The following STRADA variants were observed in gnomAD, a reference collection of about 807,000 sequenced individuals.
The protein encoded by STRADA is STE20 related adaptor alpha, also known as STE20-related kinase adapter protein alpha.
In STRADA, 26 loss-of-function variants were observed where a neutral mutation model predicts 55.0. The ratio of observed to expected loss-of-function variants is 0.47; its 90% confidence interval spans 0.35 to 0.66. STRADA has a LOEUF of 0.66. Among genes scored for constraint, STRADA ranks in the 30% least tolerant of loss-of-function variants. The probability of loss-of-function intolerance (pLI) is 0.01; values close to 1 mark genes in which losing one functional copy is unlikely to be tolerated. For missense variants in STRADA, 443 were observed against 549.7 expected (o/e 0.81, Z 1.94); for synonymous variants, 197 against 210.9 (o/e 0.93, Z 0.57).
intron 1 of STRADA, chr17:63,737,496 A>G (rs1003978088): frequency 7.0e-6 from 1 of 143,034 alleles, no homozygotes. Context: ...AATGCCTTCA[A>G]ATTTGATAAT....
At chr17:63,711,499 C>T (rs4480868) in intron 6 of STRADA, among the ~76,000 whole-genome samples, 57,849 of 151,938 alleles carry the variant, frequency 0.38, 11,392 homozygotes, top group South Asian at 0.58. Flanking sequence ...CACAGGTGGA[C>T]GTCAACATAC....
Position 63,737,984 on chromosome 17 carries a change from C to CGAAAA in STRADA, c.-45+3752_-45+3756dup, listed in dbSNP as rs377067793. ...CTTGGGCAACACAGAGGGACCCCGTCGAAAAGAAAAGAAAAGAGAAGAGAA... is the reference window on the plus strand; with the variant it reads ...CTTGGGCAACACAGAGGGACCCCGTCGAAAAGAAAAGAAAAGAAAAGAGAAGAGAA... On this transcript the variant is annotated intron_variant, in intron 1 of 12. Coordinates refer to ENST00000336174, the MANE Select transcript of STRADA (RefSeq NM_001003787.4). Among the ~76,000 whole-genome samples the CGAAAA allele has an allele frequency of 5.1e-4, 74 of 146,516 alleles. 1 individual carries two copies. In the East Asian group the frequency reaches 9.5e-3, roughly 19 times the overall value.
intron 1 of STRADA, among the ~76,000 whole-genome samples, chr17:63,732,766 G>T (rs919704435): frequency 6.6e-6 from 1 of 152,158 alleles, no homozygotes; most frequent in African/African-American, 2.4e-5. Flanking sequence ...CTGCACTCCA[G>T]CCTAGGTAAC....
intron 4 of STRADA, among the ~76,000 whole-genome samples, chr17:63,715,000 A>C (rs2036760065): frequency 6.6e-6 from 1 of 152,198 alleles, no homozygotes; most frequent in Non-Finnish European, 1.5e-5. Flanking sequence ...GAAATGGAGA[A>C]ACCTGGGCCA....
At position 63,703,355 on chromosome 17, in the gene STRADA, G is replaced by C; in HGVS notation, c.*244C>G. 2.2e-6 allele frequency: 1 copy of C among 452,106 alleles called. No homozygotes were observed. The highest frequency in any genetic ancestry group is 2.8e-5 in the South Asian group (1 of 35,738). 28.0% of individuals were successfully genotyped at this position (452,106 alleles called of 1,614,324 possible). A position where few individuals can be genotyped will look rare whatever the true frequency, so the allele number is the denominator to read the frequency against. On this transcript the variant is annotated 3_prime_UTR_variant, in exon 13 of 13. Transcript: ENST00000336174. ...GAGGTCACCTGAGCTCACAGGACTG[G>C]GAATGTCGGCTTTGGACCCTCCTGA...
Position 63,716,400 on chromosome 17 carries a change from G to C in STRADA, c.124-2292C>G, listed in dbSNP as rs575032863. 2.6e-5 allele frequency among the ~76,000 whole-genome samples: 4 copies of C among 152,156 alleles called. No individual in the cohort carries two copies. In the South Asian group the frequency reaches 6.2e-4, roughly 24 times the overall value. On this transcript the variant is annotated intron_variant, in intron 4 of 12. Coordinates refer to ENST00000336174, the MANE Select transcript of STRADA (RefSeq NM_001003787.4). ...CATGAGCCACTGTGCCCGGCCACAT[G>C]TGTTCTTATTAATTTATCTTTTCCC...
chr17:63,704,449 G>A lies in STRADA; in HGVS notation c.992C>T (p.Thr331Ile), dbSNP rs539671529. 121 of 1,612,880 alleles carry A rather than the reference G, an allele frequency of 7.5e-5. No individual in the cohort carries two copies. Among genetic ancestry groups the A allele is most frequent in the Non-Finnish European group, 9.3e-5 (110 of 1,179,898 alleles). ...CGAGTCACCGTTGGAGGGCCGGGGG[G>A]TGCTGGTGGTCAGGCTGTCACTCAG... ...SGLSDSLTTS[T>I]PRPSNGDSPS... The change falls in exon 11 of 13, where the codon ACC becomes ATC. Residue 331 changes from threonine to isoleucine, a missense_variant. By Grantham distance (89) the Thr-to-Ile change is moderately conservative. Transcript: ENST00000336174.
In STRADA at chr17:63,710,475, C is replaced by G; in HGVS notation, c.581+16G>C. ...CTACCCACTGTAATCATGGGAAAGG[C>G]CGCCTAAGAACGCACCTGTGTACAT... On this transcript the variant is annotated intron_variant, in intron 8 of 12. Coordinates refer to ENST00000336174, the MANE Select transcript of STRADA (RefSeq NM_001003787.4). 1 of 1,612,728 alleles carries G rather than the reference C, an allele frequency of 6.2e-7. No individual in the cohort carries two copies. Among genetic ancestry groups the G allele is most frequent in the Non-Finnish European group, 8.5e-7 (1 of 1,179,766 alleles).
intron 3 of STRADA, 88 bp from the exon 4 acceptor site, chr17:63,723,414 A>G (rs2037442230): frequency 6.6e-7 from 1 of 1,506,888 alleles, no homozygotes. Flanking sequence ...ACTTAGGACT[A>G]CATTTATTAA....
chr17:63,739,967 C>G (rs539450630), intron 1 of STRADA, among the ~76,000 whole-genome samples: 1 of 147,324 alleles, frequency 6.8e-6, no homozygotes, highest in South Asian at 2.1e-4. Context: ...CCCCGCCAGG[C>G]AGGTACCTGT....
At position 63,710,764 on chromosome 17, in the gene STRADA, T is replaced by C. The variant is rs2036443848; in HGVS notation, c.421A>G (p.Asn141Asp). Reference sequence around the variant, plus strand: ...AATGATGTGACAACCCACAGCTCATTGTCTGCAATAAAAGTGGCTCGATAT... The same window carrying C: ...AATGATGTGACAACCCACAGCTCATCGTCTGCAATAAAAGTGGCTCGATAT... ...VPYRATFIAD[N>D]ELWVVTSFMA... Residue 141 changes from asparagine (N) to aspartate (D), a missense_variant, in exon 7 of 13, where the codon AAT becomes GAT. Coordinates refer to ENST00000336174, the MANE Select transcript of STRADA (RefSeq NM_001003787.4). 1.9e-6 allele frequency: 3 copies of C among 1,614,040 alleles called. No individual in the cohort carries two copies. The highest frequency in any genetic ancestry group is 1.3e-5 in the African/African-American group (1 of 74,904).
At chr17:63,722,634 G>A (rs1158294675) in intron 4 of STRADA, among the ~76,000 whole-genome samples, 1 of 152,168 alleles carries the variant, frequency 6.6e-6, no homozygotes, top group Non-Finnish European at 1.5e-5. Context: ...TCTGCAATCT[G>A]AACAGAGTCA....
At chr17:63,708,649 C>G (rs891779456) in intron 8 of STRADA, among the ~76,000 whole-genome samples, 4 of 152,178 alleles carry the variant, frequency 2.6e-5, no homozygotes. Flanking sequence ...ATTATCTTGC[C>G]TCAGCCTCCT....
chr17:63,731,279 T>C lies in STRADA; in HGVS notation c.-44-2866A>G, dbSNP rs1163357558. 1.6e-3 allele frequency among the ~76,000 whole-genome samples: 160 copies of C among 100,926 alleles called. 2 individuals are homozygous for C. Among genetic ancestry groups the C allele is most frequent in the African/African-American group, 5.4e-3 (134 of 24,874 alleles). 66.2% of individuals were successfully genotyped at this position (100,926 alleles called of 152,430 possible). ...TCCTTTTTTTTTTTTTTTTTTTTTT[T>C]CTGAGACGGAGTCTTGCCATGTCAC... On this transcript the variant is annotated intron_variant, in intron 1 of 12. Transcript: ENST00000336174.
At chr17:63,707,142 T>G (rs759020932) in intron 9 of STRADA, 105 bp downstream of exon 9, 25 of 1,453,974 alleles carry the variant, frequency 1.7e-5, no homozygotes, top group Admixed American at 7.2e-5. Context: ...AGGAACCCCT[T>G]TACCCCACTG....
At chr17:63,720,792 T>TA (rs1471538835) in intron 4 of STRADA, among the ~76,000 whole-genome samples, 5 of 113,442 alleles carry the variant, frequency 4.4e-5, no homozygotes, top group Non-Finnish European at 9.2e-5. Flanking sequence ...AAAAAAAAAG[T>TA]AAAAAAAGAA....
At chr17:63,729,180 G>C (rs1294605841) in intron 1 of STRADA, among the ~76,000 whole-genome samples, 3 of 152,138 alleles carry the variant, frequency 2.0e-5, no homozygotes, top group Non-Finnish European at 4.4e-5. Flanking sequence ...ACCATGCACA[G>C]TGTTATCCTG....
intron 1 of STRADA, among the ~76,000 whole-genome samples, chr17:63,733,167 TAAG>T (rs1274120077): frequency 6.6e-6 from 1 of 152,176 alleles, no homozygotes; most frequent in Non-Finnish European, 1.5e-5. Flanking sequence ...AACCATTTCC[TAAG>T]AAGATTTTGG....
At chr17:63,709,889 A>T (rs531328286) in intron 8 of STRADA, among the ~76,000 whole-genome samples, 2 of 152,310 alleles carry the variant, frequency 1.3e-5, no homozygotes, top group South Asian at 4.1e-4. Context: ...AGAGTGGAGT[A>T]CAAAGGTCCA....
Sources: allele counts gnomAD v4.1 joint callset (sites outside exome capture counted in the v4.1 genomes callset), GRCh38; gene constraint gnomAD v4.1.1; transcripts MANE v1.5; gene names NCBI Gene and HGNC (gene_info 2026-07-23, HGNC 2026-07-21).